SPTBN4: variants seen among roughly 807,000 people sequenced by gnomAD.
The protein encoded by SPTBN4 is spectrin beta chain, non-erythrocytic 4.
A neutral mutation model predicts 277.8 loss-of-function variants in SPTBN4; 96 were observed. The ratio of observed to expected loss-of-function variants is 0.35; its 90% CI spans 0.29 to 0.41. The LOEUF (loss-of-function observed/expected upper bound fraction) is 0.41. Among genes scored for constraint, SPTBN4 ranks in the 10% least tolerant of loss-of-function variants. The pLI is 1.00. For synonymous variants in SPTBN4, 1,481 were observed against 1,580.3 expected (o/e 0.94, Z 1.49); for missense variants, 3,006 against 3,595.7 (o/e 0.84, Z 4.19).
At chr19:40,520,928 CT>C (rs551439338) in intron 16 of SPTBN4, among the ~76,000 whole-genome samples, 63 of 146,490 alleles carry the variant, frequency 4.3e-4, no homozygotes, top group South Asian at 1.1e-3. Flanking sequence ...GGTCCCCAAT[CT>C]TTTTTTTTTT....
chr19:40,473,785 G>A (rs12972689), intron 2 of SPTBN4, among the ~76,000 whole-genome samples: 224 of 152,110 alleles, frequency 1.5e-3, no homozygotes, highest in Middle Eastern at 3.4e-3. Flanking sequence ...TTAGAATCCC[G>A]AAATGCAGAG....
chr19:40,530,522 T>TCGC (rs1236834188), intron 18 of SPTBN4: 1 of 979,200 alleles, frequency 1.0e-6, no homozygotes, highest in Non-Finnish European at 1.2e-6. Context: ...GCCGCTGCCG[T>TCGC]CGCAGTTGAG....
rs1351773687 is a variant in SPTBN4, at chr19:40,472,675, C to A, written c.54C>A (p.Asn18Lys). Reference protein sequence around the residue: ...VDNMEGLPAPNNNPAARWESP... With the variant: ...VDNMEGLPAPKNNPAARWESP... ...ACATGGAGGGCCTGCCTGCTCCTAA[C>A]AACAACCCTGCTGCCCGCTGGGAGA... The change falls in exon 2 of 36, where the codon AAC (asparagine) becomes AAA (lysine). Residue 18 changes from asparagine to lysine, a missense_variant. Physicochemically the swap from Asn to Lys is moderately conservative, Grantham distance 94. Transcript: ENST00000598249. 1 of 1,613,808 alleles carries A rather than the reference C, an allele frequency of 6.2e-7. No homozygotes were observed. The highest frequency in any genetic ancestry group is 1.3e-5 in the African/African-American group (1 of 74,934).
chr19:40,565,912 G>C (rs1328788935), intron 29 of SPTBN4, among the ~76,000 whole-genome samples, 167 bp downstream of exon 29: 1 of 152,116 alleles, frequency 6.6e-6, no homozygotes, highest in Admixed American at 6.6e-5. Flanking sequence ...CCTTGCCATT[G>C]AATACCCACC....
At position 40,513,422 on chromosome 19, in the gene SPTBN4, G is replaced by A. The variant is rs761765715; in HGVS notation, c.2633G>A (p.Arg878Gln). ...EVAALRRQWL[R>Q]DALAVYRMFG... is the part of the protein sequence containing the mutation. The stretch of plus-strand genomic sequence containing the variant: ...GCGGCGCTGAGGCGCCAGTGGCTGC[G>A]GGACGCGCTCGCTGTCTACCGCATG... The change falls in exon 14 of 36, where the codon CGG becomes CAG. Residue 878 changes from arginine (R) to glutamine (Q), a missense_variant. Arg to Gln is a conservative substitution (Grantham distance 43). This residue lies in a region of SPTBN4 where 1,759 missense variants were observed against 2,061.5 expected (regional missense o/e 0.85). Transcript: ENST00000598249. The A allele has an allele frequency of 3.7e-6, 6 of 1,603,950 alleles. No individual in the cohort carries two copies. The highest frequency in any genetic ancestry group is 1.3e-5 in the African/African-American group (1 of 74,908).
At chr19:40,489,263 G>A (rs182234269) in intron 3 of SPTBN4, among the ~76,000 whole-genome samples, 1 of 151,482 alleles carries the variant, frequency 6.6e-6, no homozygotes, top group African/African-American at 2.4e-5. Context: ...AGGAACCAAC[G>A]CTGTTGGAAG....
intron 2 of SPTBN4, among the ~76,000 whole-genome samples, chr19:40,476,369 A>ATC (rs2079948737): frequency 1.3e-5 from 2 of 150,124 alleles, no homozygotes; most frequent in Non-Finnish European, 3.0e-5. Flanking sequence ...AAAAAGAGAG[A>ATC]GAGAGAGAAA....
At chr19:40,514,410 A>G (rs1011967541) in intron 14 of SPTBN4, among the ~76,000 whole-genome samples, 6 of 152,176 alleles carry the variant, frequency 3.9e-5, no homozygotes, top group Non-Finnish European at 8.8e-5. Flanking sequence ...GAACCCAGAG[A>G]GGCAACTGGG....
chr19:40,502,010 G>A lies in SPTBN4; in HGVS notation c.874G>A (p.Val292Met), dbSNP rs780153082. The A allele has an allele frequency of 7.4e-6, 12 of 1,614,250 alleles. No individual in the cohort carries two copies. Among genetic ancestry groups the A allele is most frequent in the Non-Finnish European group, 1.0e-5 (12 of 1,180,042 alleles). The change falls in exon 8 of 36, where the codon GTG (valine) becomes ATG (methionine). Residue 292 changes from valine to methionine, a missense_variant. Coordinates refer to ENST00000598249, the MANE Select transcript of SPTBN4 (RefSeq NM_020971.3). The surrounding 1 kb of genome is among the most constrained non-coding windows in gnomAD (Gnocchi z 4.9). ...TTTCTCCAAGATGAAGGCTCTGGCT[G>A]TGGAGGGGAAGCGTATCGGGAAGGT... ...HYFSKMKALA[V>M]EGKRIGKVLD...
intron 13 of SPTBN4, among the ~76,000 whole-genome samples, chr19:40,509,878 G>A (rs898947180): frequency 1.4e-4 from 22 of 152,288 alleles, no homozygotes; most frequent in African/African-American, 5.3e-4. Flanking sequence ...TGGACATCCT[G>A]ACCCTGGCTC....
chr19:40,543,179 A>G (rs1322997783), intron 20 of SPTBN4, among the ~76,000 whole-genome samples: 2 of 152,112 alleles, frequency 1.3e-5, no homozygotes, highest in African/African-American at 2.4e-5. Context: ...GGCCGGGCAC[A>G]GTGGCTCACA....
intron 33 of SPTBN4, 146 bp downstream of exon 33, chr19:40,570,874 G>T (rs1424458367): frequency 4.5e-6 from 4 of 884,448 alleles, no homozygotes; most frequent in Non-Finnish European, 4.7e-6. Context: ...CTGGGGGGTG[G>T]TGGTGGCTTA....
intron 6 of SPTBN4, 193 bp from the exon 7 acceptor site, chr19:40,497,296 C>G: frequency 1.7e-6 from 1 of 588,112 alleles, no homozygotes; most frequent in Non-Finnish European, 3.1e-6. Flanking sequence ...CGGGAACGCA[C>G]AGAGACATGC....
At position 40,567,862 on chromosome 19, in the gene SPTBN4, T is replaced by A. The variant is rs1166331390; in HGVS notation, c.6536T>A (p.Val2179Glu). 6.6e-6 allele frequency: 10 copies of A among 1,526,060 alleles called. No homozygotes were observed. The highest frequency in any genetic ancestry group is 1.4e-5 in the African/African-American group (1 of 69,484). The allele number at this position is 1,526,060 out of a possible 1,614,324, so 94.5% of individuals were successfully genotyped here. A position where few individuals can be genotyped will look rare whatever the true frequency, so the allele number is the denominator to read the frequency against. The part of the protein sequence containing the change: ...SAEVRTRVGY[V>E]RQELKPERLQ... ...GAGGTGCGGACTCGGGTGGGGTATG[T>A]GCGCCAGGAGCTCAAGCCCGAGCGC... is the stretch of plus-strand genomic sequence containing the variant. The change falls in exon 31 of 36, where the codon GTG becomes GAG. Residue 2179 changes from valine (V) to glutamate (E), a missense_variant. This residue lies in a region of SPTBN4 where 630 missense variants were observed against 677.6 expected (regional missense o/e 0.93). Coordinates refer to ENST00000598249, the MANE Select transcript of SPTBN4 (RefSeq NM_020971.3).
At chr19:40,525,139 C>G (rs2080575314) in intron 17 of SPTBN4, among the ~76,000 whole-genome samples, 1 of 152,110 alleles carries the variant, frequency 6.6e-6, no homozygotes, top group South Asian at 2.1e-4. Flanking sequence ...CTGTGCCACC[C>G]CCAGCCCCAG....
chr19:40,469,246 C>A (rs1398922599), intron 1 of SPTBN4, among the ~76,000 whole-genome samples: 2 of 152,064 alleles, frequency 1.3e-5, no homozygotes, highest in East Asian at 3.9e-4. Context: ...CTCCCAACTT[C>A]CTCCTTTGTT....
At position 40,472,702 on chromosome 19, in the gene SPTBN4, T is replaced by A. The variant is rs747825078; in HGVS notation, c.81T>A (p.Ser27Arg). The part of the protein sequence containing the change: ...PNNNPAARWE[S>R]PDRGWEREQP... ...ACAACCCTGCTGCCCGCTGGGAGAG[T>A]CCGGATCGGGGCTGGGAGCGGGAGC... The change falls in exon 2 of 36, where the codon AGT becomes AGA. Residue 27 changes from serine to arginine, a missense_variant. Physicochemically the swap from Ser to Arg is moderately radical, Grantham distance 110. Around this residue, in one of 5 missense-constraint regions of SPTBN4, gnomAD observed 78 missense variants for 65.7 expected, o/e 1.19. Transcript: ENST00000598249. The A allele has an allele frequency of 6.2e-7, 1 of 1,612,892 alleles. No homozygotes were observed. The highest frequency in any genetic ancestry group is 1.7e-5 in the Admixed American group (1 of 59,880).
chr19:40,485,978 T>TA (rs35587768), intron 2 of SPTBN4, among the ~76,000 whole-genome samples: 17,069 of 129,042 alleles, frequency 0.13, 1,207 homozygotes, highest in East Asian at 0.25. Context: ...AGGATGGCCA[T>TA]AAAAAAAAAA....
In SPTBN4 at chr19:40,549,433, C is replaced by A; in HGVS notation, c.4584+20C>A. The A allele has an allele frequency of 1.5e-5, 1 of 66,226 alleles. No homozygotes were observed. The allele number at this position is 66,226 out of a possible 1,614,324, so 4.1% of individuals were successfully genotyped here. ...GAGCTGGTGAGGCCAGCGCAGGGGC[C>A]TGGGGCGGGGCGGGGCGGGGCGGTG... On this transcript the variant is annotated intron_variant, in intron 21 of 35. Coordinates refer to ENST00000598249, the MANE Select transcript of SPTBN4 (RefSeq NM_020971.3).
Sources: allele counts gnomAD v4.1 joint callset (sites outside exome capture counted in the v4.1 genomes callset), GRCh38; gene constraint gnomAD v4.1.1; regional missense constraint gnomAD v4.1.1; non-coding constraint Gnocchi (gnomAD v3.1); transcripts MANE v1.5; gene names NCBI Gene and HGNC (gene_info 2026-07-23, HGNC 2026-07-21).